The following MAP3K15 variants were observed in gnomAD, a reference collection of about 807,000 sequenced individuals.
MAP3K15 encodes mitogen-activated protein kinase kinase kinase 15, also known as MAPK/ERK kinase kinase 15.
Under a neutral mutation model 99.5 loss-of-function variants are expected in MAP3K15, and 124 were observed. The ratio of observed to expected loss-of-function variants is 1.25; its 90% CI spans 1.08 to 1.45. MAP3K15 has a LOEUF of 1.45. Ranked by LOEUF, MAP3K15 falls within the 40% of genes most tolerant of loss-of-function variation. The pLI is 0.00. For missense variants in MAP3K15, 1,242 were observed against 1,079.7 expected (o/e 1.15, Z -2.11); for synonymous variants, 494 against 439.6 (o/e 1.12, Z -1.55).
At chrX:19,504,403 G>A (rs186601049) in intron 1 of MAP3K15, among the ~76,000 whole-genome samples, 88 of 110,631 alleles carry the variant, frequency 8.0e-4, no homozygotes, top group Non-Finnish European at 1.5e-3. Flanking sequence ...TACTAGTCAC[G>A]AGGGCCCAAG....
intron 7 of MAP3K15, among the ~76,000 whole-genome samples, chrX:19,428,091 AC>A (rs2063846870): frequency 9.0e-6 from 1 of 111,607 alleles, no homozygotes; most frequent in East Asian, 2.8e-4. Flanking sequence ...TCCAGGCAGG[AC>A]CATAGTTCCA....
chrX:19,424,253 T>TAC (rs1209761195), intron 9 of MAP3K15, among the ~76,000 whole-genome samples: 1 of 105,400 alleles, frequency 9.5e-6, no homozygotes, highest in African/African-American at 3.7e-5. Context: ...TACATATATA[T>TAC]ACACATATAT....
At chrX:19,499,847 T>C (rs2064429837) in intron 1 of MAP3K15, among the ~76,000 whole-genome samples, 1 of 112,445 alleles carries the variant, frequency 8.9e-6, no homozygotes, top group Non-Finnish European at 1.9e-5. Flanking sequence ...AAATGTTCTC[T>C]ATATTGCGAT....
chrX:19,370,587 G>A (rs2063367153), intron 24 of MAP3K15, among the ~76,000 whole-genome samples: 1 of 109,951 alleles, frequency 9.1e-6, no homozygotes, highest in Non-Finnish European at 1.9e-5. Flanking sequence ...AGTAGAGACG[G>A]GGTTTCACTA....
chrX:19,413,976 C>G (rs187109870), intron 10 of MAP3K15, among the ~76,000 whole-genome samples: 1 of 109,265 alleles, frequency 9.2e-6, no homozygotes, highest in Non-Finnish European at 1.9e-5. Context: ...GCCTGGCCAA[C>G]GTGGTGAAGC....
chrX:19,451,787 G>T (rs1318990479), intron 6 of MAP3K15, among the ~76,000 whole-genome samples: 1 of 110,221 alleles, frequency 9.1e-6, no homozygotes, highest in Admixed American at 9.9e-5. Flanking sequence ...AAATATGCCA[G>T]GCATGGTGGT....
chrX:19,382,101 A>G (rs771612374), intron 18 of MAP3K15, among the ~76,000 whole-genome samples: 3 of 110,503 alleles, frequency 2.7e-5, no homozygotes, highest in South Asian at 7.8e-4. Context: ...AAAAATGCAA[A>G]AATTAGCCAG....
At chrX:19,371,812 T>C (rs1427642534) in intron 22 of MAP3K15, among the ~76,000 whole-genome samples, 2 of 110,917 alleles carry the variant, frequency 1.8e-5, no homozygotes, top group African/African-American at 6.6e-5. Context: ...CAGCGGCCTC[T>C]TCCTAAAAGG....
At chrX:19,413,586 C>A in intron 10 of MAP3K15, 122 bp from the exon 11 acceptor site, 1 of 304,417 alleles carries the variant, frequency 3.3e-6, no homozygotes, top group Non-Finnish European at 5.4e-6. Context: ...CACAGTGGCT[C>A]ACGCCTGTAA....
intron 6 of MAP3K15, among the ~76,000 whole-genome samples, chrX:19,445,622 A>C (rs1342322072): frequency 1.9e-5 from 2 of 106,483 alleles, no homozygotes; most frequent in African/African-American, 6.9e-5. Flanking sequence ...AGTGATGGAA[A>C]TATCAAACTA....
chrX:19,405,229 T>C (rs2063639016), intron 13 of MAP3K15, among the ~76,000 whole-genome samples: 1 of 111,699 alleles, frequency 9.0e-6, no homozygotes, highest in Admixed American at 9.6e-5. Context: ...AGTTTGGAGA[T>C]AGCTGGCAAA....
intron 4 of MAP3K15, among the ~76,000 whole-genome samples, chrX:19,460,470 G>A (rs979078335): frequency 1.8e-5 from 2 of 112,039 alleles, no homozygotes; most frequent in Non-Finnish European, 3.8e-5. Flanking sequence ...CATATAGAGG[G>A]TGAGAAGTTA....
intron 25 of MAP3K15, among the ~76,000 whole-genome samples, chrX:19,366,771 C>T (rs938797932): frequency 7.1e-5 from 8 of 112,027 alleles, no homozygotes; most frequent in African/African-American, 2.3e-4. Context: ...TGGACTAATA[C>T]ACACAAGGAC....
At chrX:19,490,172 CACACACACACACAT>C (rs1350454107) in intron 1 of MAP3K15, among the ~76,000 whole-genome samples, 7 of 85,671 alleles carry the variant, frequency 8.2e-5, no homozygotes, top group Admixed American at 6.0e-4. Context: ...CACACACACA[CACACACACACACAT>C]ACATACAAAA....
intron 1 of MAP3K15, among the ~76,000 whole-genome samples, chrX:19,512,642 C>CTTTTTTTTTT (rs896407684): frequency 4.2e-5 from 3 of 71,252 alleles, no homozygotes; most frequent in African/African-American, 2.0e-4. Context: ...CCACATCCTG[C>CTTTTTTTTTT]TTTTTTTTTT....
At chrX:19,499,242 T>C (rs764320544) in intron 1 of MAP3K15, among the ~76,000 whole-genome samples, 16 of 111,683 alleles carry the variant, frequency 1.4e-4, no homozygotes, top group Non-Finnish European at 3.8e-5. Flanking sequence ...CCACAACCCT[T>C]ATGAGAAGAA....
chrX:19,445,901 C>G (rs1053863990), intron 6 of MAP3K15, among the ~76,000 whole-genome samples: 3 of 109,557 alleles, frequency 2.7e-5, no homozygotes, highest in Non-Finnish European at 3.8e-5. Flanking sequence ...GAGCTGAGAT[C>G]ATGCCATTGT....
rs911291646 is a variant in MAP3K15 at position 19,372,513 on chromosome X, A to G, written c.3108+140T>C. 8 of 473,882 alleles carry G rather than the reference A, an allele frequency of 1.7e-5. No individual in the cohort carries two copies. The Admixed American group carries it at 3.4e-4, about 20-fold the overall frequency. The allele number at this position is 473,882 out of a possible 1,213,427, so 39.1% of individuals were successfully genotyped here. The stretch of plus-strand genomic sequence containing the variant: ...TTTTGTTGGGGAAGGGAAGGACGTT[A>G]GGGAAACATTTACAGTGATCACCGT... On this transcript the variant is annotated intron_variant, in intron 22 of 28. Coordinates refer to ENST00000338883, the MANE Select transcript of MAP3K15 (RefSeq NM_001001671.4).
chrX:19,380,027 C>T (rs2063447291), intron 19 of MAP3K15, 93 bp downstream of exon 19: 3 of 955,778 alleles, frequency 3.1e-6, no homozygotes, highest in Non-Finnish European at 4.2e-6. Flanking sequence ...TTCTCTCCTA[C>T]CTTTGTGGAG....
Sources: gnomAD v4.1 joint callset for allele counts (sites outside exome capture counted in the v4.1 genomes callset) on GRCh38, gnomAD v4.1.1 for gene constraint, MANE v1.5 for transcripts, NCBI Gene and HGNC (gene_info 2026-07-23, HGNC 2026-07-21) for gene names.